The following HPSE2 variants were observed in gnomAD, a reference collection of about 807,000 sequenced individuals.
The protein encoded by HPSE2 is inactive heparanase-2.
In HPSE2, 38 loss-of-function variants were observed where a neutral mutation model predicts 60.5. The ratio of observed to expected loss-of-function variants is 0.63; its 90% CI spans 0.48 to 0.82. The LOEUF is 0.82. HPSE2 is among the 40% of genes least tolerant of loss of function. The pLI is 0.00. For synonymous variants in HPSE2, 295 were observed against 293.2 expected, an observed-to-expected ratio of 1.01 and a Z score of -0.06; for missense variants, 713 against 740.4, an observed-to-expected ratio of 0.96 and a Z score of 0.43.
intron 3 of HPSE2, among the ~76,000 whole-genome samples, chr10:98,767,112 G>A (rs1344571692): frequency 6.6e-6 from 1 of 151,980 alleles, no homozygotes; most frequent in African/African-American, 2.4e-5. Context: ...TTGATAAATG[G>A]CATCTACAAA....
chr10:98,918,215 T>A (rs1248396313), intron 3 of HPSE2, among the ~76,000 whole-genome samples: 1 of 152,174 alleles, frequency 6.6e-6, no homozygotes, highest in Non-Finnish European at 1.5e-5. Context: ...ATTTTATTCA[T>A]TTACATCCCA....
intron 3 of HPSE2, among the ~76,000 whole-genome samples, chr10:98,954,807 T>G (rs1955461562): frequency 6.6e-6 from 1 of 151,944 alleles, no homozygotes; most frequent in Admixed American, 6.6e-5. Context: ...TTCGTTTCAT[T>G]ATATATATAG....
At chr10:98,728,575 A>G (rs1189616788) in intron 4 of HPSE2, among the ~76,000 whole-genome samples, 2 of 152,158 alleles carry the variant, frequency 1.3e-5, no homozygotes, top group Non-Finnish European at 2.9e-5. Context: ...CCAAGATCAC[A>G]CCATTGCACT....
At chr10:99,258,866 G>T in the HPSE2 span, among the ~76,000 whole-genome samples, 6 of 152,158 alleles carry the variant, frequency 3.9e-5, no homozygotes, top group African/African-American at 1.4e-4. Flanking sequence ...AATTAACTCA[G>T]AATGGGTCAC....
chr10:99,306,930 G>A, the HPSE2 span, among the ~76,000 whole-genome samples: 5 of 152,044 alleles, frequency 3.3e-5, no homozygotes, highest in South Asian at 2.1e-4. Flanking sequence ...GGCTGGTCTC[G>A]AACGCCCGAC....
chr10:98,589,015 C>T (rs971354350), intron 9 of HPSE2, among the ~76,000 whole-genome samples: 6 of 152,018 alleles, frequency 3.9e-5, no homozygotes, highest in Non-Finnish European at 8.8e-5. Context: ...GTTAGGGGCT[C>T]AAGAGTGATC....
chr10:99,093,700 T>C (rs1843598498), intron 3 of HPSE2, among the ~76,000 whole-genome samples: 1 of 152,218 alleles, frequency 6.6e-6, no homozygotes, highest in African/African-American at 2.4e-5. Flanking sequence ...GATGGAACTC[T>C]CATGAACTAA....
At chr10:99,118,535 A>AC (rs1844804756) in intron 3 of HPSE2, among the ~76,000 whole-genome samples, 2 of 151,478 alleles carry the variant, frequency 1.3e-5, no homozygotes, top group South Asian at 2.1e-4. Context: ...AAAAAAAAAA[A>AC]AAAAAACCAT....
chr10:99,066,240 A>G (rs1842613198), intron 3 of HPSE2, among the ~76,000 whole-genome samples: 1 of 152,198 alleles, frequency 6.6e-6, no homozygotes, highest in African/African-American at 2.4e-5. Flanking sequence ...ATAATCAGCA[A>G]TAAATTTATC....
intron 2 of HPSE2, among the ~76,000 whole-genome samples, chr10:99,174,311 T>C (rs760741871): frequency 3.9e-5 from 6 of 152,258 alleles, no homozygotes; most frequent in Admixed American, 2.6e-4. Context: ...TATGATTTGC[T>C]GGAGTTTTAA....
intron 11 of HPSE2, among the ~76,000 whole-genome samples, chr10:98,476,641 C>T (rs7071405): frequency 0.41 from 62,884 of 151,548 alleles, 14,215 homozygotes; most frequent in African/African-American, 0.62. Context: ...AATACTAAAA[C>T]TAGCTGGGCG....
At position 98,861,134 on chromosome 10, in the gene HPSE2, T is replaced by C. The variant is rs142558240; in HGVS notation, c.611-117078A>G. Among the ~76,000 whole-genome samples the C allele has an allele frequency of 7.7e-4, 117 of 152,332 alleles. 1 individual carries two copies. The highest frequency in any genetic ancestry group is 2.7e-3 in the African/African-American group (112 of 41,580). On this transcript the variant is annotated intron_variant, in intron 3 of 11. Transcript: ENST00000370552. ...ACATGTTTGATAGGGAGCTTGGTTT[T>C]ATTTGCTATTCAAAGTGAGTCATAA...
At chr10:99,207,340 C>T (rs1848785277) in intron 2 of HPSE2, among the ~76,000 whole-genome samples, 1 of 152,068 alleles carries the variant, frequency 6.6e-6, no homozygotes, top group Non-Finnish European at 1.5e-5. Context: ...ACAGACTTTC[C>T]CAGACAAATA....
intron 3 of HPSE2, among the ~76,000 whole-genome samples, chr10:98,820,860 G>C (rs897747990): frequency 8.5e-5 from 13 of 152,180 alleles, no homozygotes; most frequent in African/African-American, 3.1e-4. Flanking sequence ...TCTTCATGCT[G>C]TAGAAGCTTT....
intron 7 of HPSE2, among the ~76,000 whole-genome samples, chr10:98,622,136 T>C (rs1206137094): frequency 2.6e-5 from 4 of 152,166 alleles, no homozygotes; most frequent in African/African-American, 9.7e-5. Context: ...CACTATACAA[T>C]ATTATGCAGC....
intron 3 of HPSE2, among the ~76,000 whole-genome samples, chr10:99,030,779 T>C (rs1354753468): frequency 2.0e-5 from 3 of 152,182 alleles, no homozygotes; most frequent in Non-Finnish European, 4.4e-5. Context: ...TACATATATA[T>C]ACAATGGAGT....
At chr10:98,482,863 CA>C (rs1941296191) in intron 10 of HPSE2, 81 bp from the exon 11 acceptor site, 8 of 1,468,776 alleles carry the variant, frequency 5.4e-6, no homozygotes, top group Non-Finnish European at 7.6e-6. Context: ...ATAGACTGTA[CA>C]AAATATGAAC....
chr10:98,770,580 G>A (rs77304254), intron 3 of HPSE2, among the ~76,000 whole-genome samples: 1,744 of 152,170 alleles, frequency 0.011, 22 homozygotes, highest in Non-Finnish European at 0.017. Flanking sequence ...TTTGGCTTGA[G>A]GACTCCCCAT....
At chr10:98,556,483 G>GAT in intron 9 of HPSE2, among the ~76,000 whole-genome samples, 1 of 152,150 alleles carries the variant, frequency 6.6e-6, no homozygotes, top group East Asian at 1.9e-4. Context: ...AACGTCACTG[G>GAT]ATATAAGGTC....
Sources: allele counts gnomAD v4.1 joint callset (sites outside exome capture counted in the v4.1 genomes callset), GRCh38; gene constraint gnomAD v4.1.1; transcripts MANE v1.5; gene names NCBI Gene and HGNC (gene_info 2026-07-23, HGNC 2026-07-21).